The following ASCC3 variants were observed in gnomAD, a reference collection of about 807,000 sequenced individuals.
ASCC3 encodes the protein activating signal cointegrator 1 complex subunit 3, also known as ASC-1 complex subunit P200.
In ASCC3, 158 loss-of-function variants were observed where a neutral mutation model predicts 256.3. The observed-to-expected ratio is 0.62, with a 90% confidence interval of 0.54 to 0.70. The LOEUF is 0.70. ASCC3 is among the 30% of genes least tolerant of loss of function. ASCC3 has a pLI of 0.00. For synonymous variants in ASCC3, 948 were observed against 883.4 expected (o/e 1.07, Z -1.30); for missense variants, 2,259 against 2,626.0 (o/e 0.86, Z 3.05).
chr6:100,603,083 T>C (rs1772707369), intron 33 of ASCC3, among the ~76,000 whole-genome samples: 1 of 151,962 alleles, frequency 6.6e-6, no homozygotes, highest in Non-Finnish European at 1.5e-5. Flanking sequence ...AACATTTACA[T>C]GTGAGAATAG....
At position 100,842,794 on chromosome 6, in the gene ASCC3, A is replaced by G. The variant is rs761295984; in HGVS notation, c.801+5354T>C. ...ATGACCAGTCAGGACAACATCACAG[A>G]ACCCTGTCTCTACAAAACATTCTTT... On this transcript the variant is annotated intron_variant, in intron 4 of 41. Coordinates refer to ENST00000369162, the MANE Select transcript of ASCC3 (RefSeq NM_006828.4). Among the ~76,000 whole-genome samples, 83 of 152,056 alleles carry G rather than the reference A, an allele frequency of 5.5e-4. 1 individual carries two copies. The highest frequency in any genetic ancestry group is 1.1e-3 in the Non-Finnish European group (75 of 68,000).
chr6:100,723,878 A>ATATATATATTTATAAT (rs1554220109), intron 11 of ASCC3, among the ~76,000 whole-genome samples: 2 of 132,410 alleles, frequency 1.5e-5, no homozygotes, highest in Non-Finnish European at 3.1e-5. Flanking sequence ...ATATATATAT[A>ATATATATATTTATAAT]TATATATATA....
intron 10 of ASCC3, among the ~76,000 whole-genome samples, chr6:100,761,282 G>A (rs1437004850): frequency 1.3e-5 from 2 of 152,096 alleles, no homozygotes; most frequent in Admixed American, 1.3e-4. Flanking sequence ...CTTGAGCCAG[G>A]AGTTTGGGAA....
chr6:100,753,457 A>G (rs533626470), intron 10 of ASCC3, among the ~76,000 whole-genome samples: 1 of 151,620 alleles, frequency 6.6e-6, no homozygotes, highest in South Asian at 2.1e-4. Context: ...TAATGTCATC[A>G]GTAAAGGGCA....
intron 36 of ASCC3, among the ~76,000 whole-genome samples, chr6:100,583,234 T>C (rs553293513): frequency 3.9e-5 from 6 of 152,326 alleles, no homozygotes; most frequent in Admixed American, 2.6e-4. Context: ...TTTTCGTTGG[T>C]AAGCTATTGA....
chr6:100,611,690 C>T (rs977560067), intron 30 of ASCC3, among the ~76,000 whole-genome samples: 17 of 151,838 alleles, frequency 1.1e-4, no homozygotes, highest in African/African-American at 4.1e-4. Flanking sequence ...TTTCTTAGCC[C>T]TGGTTCCATG....
intron 20 of ASCC3, among the ~76,000 whole-genome samples, chr6:100,649,768 G>T (rs553681832): frequency 2.6e-4 from 39 of 151,296 alleles, no homozygotes; most frequent in African/African-American, 9.2e-4. Context: ...ATTTATAAAA[G>T]GAAGTACTCA....
At chr6:100,592,157 C>A (rs549287728) in intron 34 of ASCC3, among the ~76,000 whole-genome samples, 18 of 146,318 alleles carry the variant, frequency 1.2e-4, no homozygotes, top group Non-Finnish European at 2.3e-4. Flanking sequence ...AAAAAAAAAT[C>A]AACCTAAATG....
chr6:100,757,768 G>C (rs1403363471), intron 10 of ASCC3, among the ~76,000 whole-genome samples: 4 of 152,282 alleles, frequency 2.6e-5, no homozygotes, highest in South Asian at 2.1e-4. Flanking sequence ...GGGACATCAG[G>C]AAAGAGCTGG....
chr6:100,649,626 T>C lies in ASCC3; in HGVS notation c.3252+912A>G, dbSNP rs555570267. ...TGTTTAAAGGACTCCTGAGTACTCA[T>C]GGCTATTAATAATGATATATTTAAC... On this transcript the variant is annotated intron_variant, in intron 20 of 41. Coordinates refer to ENST00000369162, the MANE Select transcript of ASCC3 (RefSeq NM_006828.4). Among the ~76,000 whole-genome samples, 5 of 151,748 alleles carry C rather than the reference T, an allele frequency of 3.3e-5. No homozygotes were observed. The East Asian group carries it at 5.8e-4, about 18-fold the overall frequency.
In ASCC3 at chr6:100,828,367, G is replaced by A. The variant is rs185419966; in HGVS notation, c.801+19781C>T. On this transcript the variant is annotated intron_variant, in intron 4 of 41. Transcript: ENST00000369162. ...CTATTGTAGTAGTTCCCCTTTATCC[G>A]CGGTGGGGAGATACATTCCAAGACT... Among the ~76,000 whole-genome samples the A allele has an allele frequency of 3.3e-5, 5 of 152,252 alleles. No individual in the cohort carries two copies. The East Asian group carries it at 9.7e-4, about 29-fold the overall frequency.
chr6:100,711,495 G>A (rs1420900217), intron 13 of ASCC3, among the ~76,000 whole-genome samples: 1 of 152,172 alleles, frequency 6.6e-6, no homozygotes, highest in African/African-American at 2.4e-5. Flanking sequence ...TGGAGGCCAA[G>A]GTGGGTGGAT....
intron 37 of ASCC3, chr6:100,530,360 T>G (rs151055499): frequency 7.6e-7 from 1 of 1,314,324 alleles, no homozygotes; most frequent in African/African-American, 1.5e-5. Context: ...CCGCAGTAAG[T>G]TGTCTATCTC....
At chr6:100,712,506 G>A (rs1013386894) in intron 13 of ASCC3, among the ~76,000 whole-genome samples, 1 of 152,058 alleles carries the variant, frequency 6.6e-6, no homozygotes, top group East Asian at 1.9e-4. Flanking sequence ...TCAAGCATAT[G>A]AAAAGACGCT....
intron 4 of ASCC3, among the ~76,000 whole-genome samples, chr6:100,842,200 T>G (rs1215590252): frequency 6.6e-6 from 1 of 152,156 alleles, no homozygotes; most frequent in Non-Finnish European, 1.5e-5. Flanking sequence ...ATGGAGAACT[T>G]TTTCATAAAG....
At chr6:100,751,996 A>G (rs1232317118) in intron 10 of ASCC3, among the ~76,000 whole-genome samples, 1 of 152,124 alleles carries the variant, frequency 6.6e-6, no homozygotes, top group Admixed American at 6.6e-5. Flanking sequence ...GATGTTTTTG[A>G]GAATTTCTTT....
intron 13 of ASCC3, among the ~76,000 whole-genome samples, chr6:100,711,464 C>A (rs906862013): frequency 6.6e-6 from 1 of 152,266 alleles, no homozygotes; most frequent in Non-Finnish European, 1.5e-5. Flanking sequence ...TGGTGGCTCA[C>A]GCCTGTAATC....
intron 4 of ASCC3, among the ~76,000 whole-genome samples, chr6:100,828,015 C>T (rs1202293434): frequency 6.8e-6 from 1 of 146,088 alleles, no homozygotes; most frequent in African/African-American, 2.5e-5. Flanking sequence ...TCCTTTCAAA[C>T]TTATTTCTCA....
At chr6:100,611,393 T>C (rs1475588282) in intron 30 of ASCC3, among the ~76,000 whole-genome samples, 3 of 152,112 alleles carry the variant, frequency 2.0e-5, no homozygotes, top group African/African-American at 7.2e-5. Context: ...TTTTGGATTA[T>C]ATACATCTTT....
Sources: gnomAD v4.1 joint callset for allele counts (sites outside exome capture counted in the v4.1 genomes callset) on GRCh38, gnomAD v4.1.1 for gene constraint, MANE v1.5 for transcripts, NCBI Gene and HGNC (gene_info 2026-07-23, HGNC 2026-07-21) for gene names.